KCTD19: variants seen among roughly 807,000 people sequenced by gnomAD.
KCTD19 encodes the protein potassium channel tetramerization domain containing 19.
A neutral mutation model predicts 103.5 loss-of-function variants in KCTD19; 67 were observed. The ratio of observed to expected loss-of-function variants is 0.65; its 90% CI spans 0.53 to 0.79. The LOEUF is 0.79. Ranked by LOEUF, KCTD19 falls within the 30% of genes least tolerant of loss-of-function variation. KCTD19 has a pLI of 0.00. For synonymous variants in KCTD19, 439 were observed against 452.2 expected (o/e 0.97, Z 0.37); for missense variants, 980 against 1,136.1 (o/e 0.86, Z 1.98).
intron 2 of KCTD19, among the ~76,000 whole-genome samples, chr16:67,319,247 T>C (rs2037046077): frequency 6.6e-6 from 1 of 150,572 alleles, no homozygotes; most frequent in African/African-American, 2.4e-5. Context: ...AAAAAGAAAA[T>C]TTCTGATTTC....
Position 67,293,438 on chromosome 16 carries a change from G to A in KCTD19, c.2218+106C>T, listed in dbSNP as rs1460777342. The A allele has an allele frequency of 1.5e-5, 19 of 1,247,302 alleles. No individual in the cohort carries two copies. Among genetic ancestry groups the A allele is most frequent in the Non-Finnish European group, 2.1e-5 (19 of 887,024 alleles). The allele number at this position is 1,247,302 out of a possible 1,614,324, so 77.3% of individuals were successfully genotyped here. ...GGCACAGAGATGGCATTGGTGAGCG[G>A]GGGGGTCTAGTCCTCCTTTGTCACT... is the stretch of plus-strand genomic sequence containing the variant. On this transcript the variant is annotated intron_variant, in intron 12 of 15. Transcript: ENST00000304372. This position sits in a 1 kb window ranked among gnomAD's most constrained non-coding sequence, Gnocchi z 4.0.
intron 1 of KCTD19, among the ~76,000 whole-genome samples, chr16:67,324,062 T>C (rs868778846): frequency 2.0e-5 from 3 of 152,168 alleles, no homozygotes; most frequent in Admixed American, 6.6e-5. Flanking sequence ...TGTTAAAAGT[T>C]TAAGGTCATC....
At chr16:67,309,852 T>G (rs2036931764) in intron 2 of KCTD19, among the ~76,000 whole-genome samples, 1 of 152,138 alleles carries the variant, frequency 6.6e-6, no homozygotes, top group African/African-American at 2.4e-5. Flanking sequence ...GAGAGAATGA[T>G]CTATTTTGCA....
At chr16:67,306,088 A>T (rs1228157478) in intron 2 of KCTD19, among the ~76,000 whole-genome samples, 1 of 152,206 alleles carries the variant, frequency 6.6e-6, no homozygotes, top group Non-Finnish European at 1.5e-5. Flanking sequence ...TCTGTCATTC[A>T]TTTGAGAAAT....
intron 5 of KCTD19, 33 bp from the exon 6 acceptor site, chr16:67,299,606 C>T: frequency 6.4e-7 from 1 of 1,563,090 alleles, no homozygotes; most frequent in South Asian, 1.1e-5. Context: ...ACTCCTAGGC[C>T]CCCCATGGTC....
chr16:67,294,520 C>T (rs948071698), intron 11 of KCTD19, 60 bp downstream of exon 11: 1 of 1,218,280 alleles, frequency 8.2e-7, no homozygotes, highest in East Asian at 2.3e-5. Context: ...CCCCATCCAC[C>T]CTGAGCCCGG....
intron 12 of KCTD19, among the ~76,000 whole-genome samples, chr16:67,292,887 C>G (rs1286171049): frequency 1.3e-5 from 2 of 152,144 alleles, no homozygotes; most frequent in Non-Finnish European, 2.9e-5. Flanking sequence ...CTATCCACCC[C>G]CTTGCAGTCC....
rs2037065727 is a variant in KCTD19, at chr16:67,320,857, G to A, written c.32C>T (p.Ala11Val). The stretch of plus-strand genomic sequence containing the variant: ...TACGTTGAAATGAAACAAGTCCTCT[G>A]CTGATTCATGAGCCATGCCAGACTC... MEESGMAHES[A>V]EDLFHFNVGG... is the part of the protein sequence containing the mutation. Residue 11 changes from alanine to valine, a missense_variant, in exon 2 of 16, where the codon GCA becomes GTA. Ala to Val is a moderately conservative substitution (Grantham distance 64). Transcript: ENST00000304372. The surrounding 1 kb of genome is among the most constrained non-coding windows in gnomAD (Gnocchi z 4.0). 3.1e-6 allele frequency: 5 copies of A among 1,614,060 alleles called. No homozygotes were observed. The Admixed American group carries it at 8.3e-5, about 27-fold the overall frequency.
At position 67,299,448 on chromosome 16, in the gene KCTD19, C is replaced by T; in HGVS notation, c.901G>A (p.Ala301Thr). 1 of 1,614,236 alleles carries T rather than the reference C, an allele frequency of 6.2e-7. No homozygotes were observed. The highest frequency in any genetic ancestry group is 1.6e-4 in the Middle Eastern group (1 of 6,062). Reference sequence around the variant, plus strand: ...CTCTCGATGCGAAGCTGGCCCAGCGCAGAGTCCGGGTACTTGACCAGCAGA... The same window carrying T: ...CTCTCGATGCGAAGCTGGCCCAGCGTAGAGTCCGGGTACTTGACCAGCAGA... ...LGLLVKYPDS[A>T]LGQLRIESTL... Residue 301 changes from alanine to threonine, a missense_variant, in exon 6 of 16, where the codon GCG (alanine) becomes ACG (threonine). Transcript: ENST00000304372.
chr16:67,312,447 T>A (rs1448462180), intron 2 of KCTD19, among the ~76,000 whole-genome samples: 1 of 152,320 alleles, frequency 6.6e-6, no homozygotes, highest in East Asian at 1.9e-4. Context: ...ATAAACAATA[T>A]ACAGTATTCC....
At chr16:67,290,572 G>GGCCTCACTCCCAT (rs2036674258) in intron 15 of KCTD19, among the ~76,000 whole-genome samples, 1 of 152,172 alleles carries the variant, frequency 6.6e-6, no homozygotes. Flanking sequence ...TGGTTGAAAA[G>GGCCTCACTCCCAT]GCCTCACTCC....
Position 67,323,517 on chromosome 16 carries a change from G to A in KCTD19, c.4-2632C>T, listed in dbSNP as rs952076893. 1.2e-4 allele frequency among the ~76,000 whole-genome samples: 18 copies of A among 152,050 alleles called. No homozygotes were observed. Among genetic ancestry groups the A allele is most frequent in the East Asian group, 1.9e-4 (1 of 5,174 alleles). Reference sequence around the variant, plus strand: ...CAGCCTGGGCGTCAGAGTGAGGCACGTCTCTAAAAAAATAAAAAATAAAAA... The same window carrying A: ...CAGCCTGGGCGTCAGAGTGAGGCACATCTCTAAAAAAATAAAAAATAAAAA... On this transcript the variant is annotated intron_variant, in intron 1 of 15. Coordinates refer to ENST00000304372, the MANE Select transcript of KCTD19 (RefSeq NM_001100915.3). The surrounding 1 kb of genome is among the most constrained non-coding windows in gnomAD (Gnocchi z 4.1).
intron 2 of KCTD19, among the ~76,000 whole-genome samples, chr16:67,319,384 A>G (rs1440836605): frequency 6.6e-6 from 1 of 152,128 alleles, no homozygotes; most frequent in Non-Finnish European, 1.5e-5. Flanking sequence ...ATTTTCTTCT[A>G]AAAAGTGTTG....
At chr16:67,307,912 C>T (rs2036910612) in intron 2 of KCTD19, among the ~76,000 whole-genome samples, 2 of 152,064 alleles carry the variant, frequency 1.3e-5, no homozygotes, top group South Asian at 4.1e-4. Flanking sequence ...TAATTTTGTA[C>T]CCATTATCCA....
At position 67,303,123 on chromosome 16, in the gene KCTD19, C is replaced by A; in HGVS notation, c.643+23G>T. On this transcript the variant is annotated intron_variant, in intron 4 of 15. Transcript: ENST00000304372. The surrounding 1 kb of genome is among the most constrained non-coding windows in gnomAD (Gnocchi z 4.3). Reference sequence around the variant, plus strand: ...TGGGCCCTATCAGCCCGCCCCCCACCCCACCCCGGACAGAGCAATCACCAA... The same window carrying A: ...TGGGCCCTATCAGCCCGCCCCCCACACCACCCCGGACAGAGCAATCACCAA... 1.9e-6 allele frequency: 1 copy of A among 516,534 alleles called. No homozygotes were observed. The highest frequency in any genetic ancestry group is 3.5e-6 in the Non-Finnish European group (1 of 282,944). 32.0% of individuals were successfully genotyped at this position (516,534 alleles called of 1,614,324 possible). A position where few individuals can be genotyped will look rare whatever the true frequency, so the allele number is the denominator to read the frequency against.
At chr16:67,299,778 T>G (rs2036813950) in intron 5 of KCTD19, 2 of 562,998 alleles carry the variant, frequency 3.6e-6, no homozygotes, top group East Asian at 3.0e-5. Flanking sequence ...AACTATTTGT[T>G]GGGAGGTGAG....
At position 67,320,574 on chromosome 16, in the gene KCTD19, AC is replaced by A; in HGVS notation, c.300+14del. The A allele has an allele frequency of 6.2e-7, 1 of 1,609,228 alleles. No homozygotes were observed. Among genetic ancestry groups the A allele is most frequent in the South Asian group, 1.1e-5 (1 of 90,700 alleles). ...GTTACTGATCCACCACTCCCAGAAA[AC>A]AAGAGCATCTTACCTGCAGCAAAGG... On this transcript the variant is annotated intron_variant, in intron 2 of 15. Coordinates refer to ENST00000304372, the MANE Select transcript of KCTD19 (RefSeq NM_001100915.3). The surrounding 1 kb of genome is among the most constrained non-coding windows in gnomAD (Gnocchi z 4.0).
chr16:67,306,588 C>T (rs1220770819), intron 2 of KCTD19, among the ~76,000 whole-genome samples: 1 of 152,126 alleles, frequency 6.6e-6, no homozygotes, highest in African/African-American at 2.4e-5. Context: ...CCTTTCCTTT[C>T]CCCTAGTCCT....
Position 67,326,635 on chromosome 16 carries a change from T to A in KCTD19, c.3+70A>T, listed in dbSNP as rs751648241. On this transcript the variant is annotated intron_variant, in intron 1 of 15. Transcript: ENST00000304372. Reference sequence around the variant, plus strand: ...CAGGTCTCGAACCACTTAGCCCCAATCCTTGGCCACAGCGGCCCCCATTCG... The same window carrying A: ...CAGGTCTCGAACCACTTAGCCCCAAACCTTGGCCACAGCGGCCCCCATTCG... 2.6e-6 allele frequency: 4 copies of A among 1,545,336 alleles called. No homozygotes were observed. The East Asian group carries it at 1.0e-4, about 39-fold the overall frequency.
Sources: allele counts gnomAD v4.1 joint callset (sites outside exome capture counted in the v4.1 genomes callset), GRCh38; gene constraint gnomAD v4.1.1; non-coding constraint Gnocchi (gnomAD v3.1); transcripts MANE v1.5; gene names NCBI Gene and HGNC (gene_info 2026-07-23, HGNC 2026-07-21).